SOAT1: variants seen among roughly 807,000 people sequenced by gnomAD.
SOAT1 encodes acyl-coenzyme A:cholesterol acyltransferase 1.
SOAT1 carries 55 observed loss-of-function variants against 69.5 expected under a neutral mutation model. The ratio of observed to expected loss-of-function variants is 0.79; its 90% confidence interval spans 0.64 to 0.99. SOAT1 has a LOEUF of 0.99. Among genes scored for constraint, SOAT1 ranks in the 50% least tolerant of loss-of-function variants. The pLI is 0.00. For synonymous variants in SOAT1, 231 were observed against 224.7 expected (o/e 1.03, Z -0.25); for missense variants, 580 against 669.3 (o/e 0.87, Z 1.47).
chr1:179,316,127 C>T (rs914086590), intron 2 of SOAT1, among the ~76,000 whole-genome samples: 1 of 152,110 alleles, frequency 6.6e-6, no homozygotes, highest in African/African-American at 2.4e-5. Context: ...TTCCATCTTC[C>T]AATATCAGCT....
At chr1:179,337,598 G>A (rs2124986085) in intron 4 of SOAT1, among the ~76,000 whole-genome samples, 1 of 152,262 alleles carries the variant, frequency 6.6e-6, no homozygotes, top group South Asian at 2.1e-4. Context: ...CTTCTTAAGA[G>A]TTGTGTATGT....
At chr1:179,311,305 G>A (rs548437325) in intron 2 of SOAT1, among the ~76,000 whole-genome samples, 3 of 152,138 alleles carry the variant, frequency 2.0e-5, no homozygotes, top group South Asian at 4.1e-4. Context: ...GTTAGAGGTC[G>A]CAGTGAGCTA....
At chr1:179,353,562 A>G (rs370325824) in intron 15 of SOAT1, 23 bp from the exon 16 acceptor site, 6 of 1,605,994 alleles carry the variant, frequency 3.7e-6, no homozygotes, top group Admixed American at 1.7e-5. Flanking sequence ...TTATTTTTCC[A>G]TTCTTATTTT....
At position 179,308,356 on chromosome 1, in the gene SOAT1, A is replaced by G. The variant is rs145107936; in HGVS notation, c.118+5554A>G. On this transcript the variant is annotated intron_variant, in intron 2 of 15. Coordinates refer to ENST00000367619, the MANE Select transcript of SOAT1 (RefSeq NM_003101.6). ...GTGGTGATAAAAGAAAAAGAAGCCAAAGTTACTCTAGTTGAGTAATATAGT... is the reference window on the plus strand; with the variant it reads ...GTGGTGATAAAAGAAAAAGAAGCCAGAGTTACTCTAGTTGAGTAATATAGT... Among the ~76,000 whole-genome samples, 195 of 152,244 alleles carry G rather than the reference A, an allele frequency of 1.3e-3. 1 individual carries two copies. Among genetic ancestry groups the G allele is most frequent in the African/African-American group, 4.3e-3 (177 of 41,534 alleles).
Position 179,309,200 on chromosome 1 carries a change from C to T in SOAT1, c.118+6398C>T, listed in dbSNP as rs536506152. Among the ~76,000 whole-genome samples the T allele has an allele frequency of 2.6e-5, 4 of 152,316 alleles. No homozygotes were observed. In the South Asian group the frequency reaches 8.3e-4, roughly 32 times the overall value. The stretch of plus-strand genomic sequence containing the variant: ...CCTGGTTCAAGCGATTCTTCTGTCT[C>T]TGCTTCCTGAGTAGCTAGGATTACA... On this transcript the variant is annotated intron_variant, in intron 2 of 15. Coordinates refer to ENST00000367619, the MANE Select transcript of SOAT1 (RefSeq NM_003101.6).
intron 6 of SOAT1, 141 bp downstream of exon 6, chr1:179,339,686 T>C: frequency 1.9e-6 from 1 of 520,052 alleles, no homozygotes; most frequent in East Asian, 3.3e-5. Flanking sequence ...TCCTTTGCCC[T>C]GAAAAGTTTA....
intron 12 of SOAT1, among the ~76,000 whole-genome samples, 170 bp from the exon 13 acceptor site, chr1:179,348,674 A>G (rs961464239): frequency 2.6e-5 from 4 of 152,130 alleles, no homozygotes; most frequent in African/African-American, 7.2e-5. Flanking sequence ...TCACCAGTGT[A>G]TGAACCAACA....
intron 3 of SOAT1, among the ~76,000 whole-genome samples, chr1:179,330,294 C>A (rs894159021): frequency 6.6e-6 from 1 of 152,014 alleles, no homozygotes; most frequent in Non-Finnish European, 1.5e-5. Flanking sequence ...CAGGACCAGT[C>A]ATGGGTTTAG....
At chr1:179,342,817 A>G in intron 8 of SOAT1, 45 bp from the exon 9 acceptor site, 1 of 1,438,442 alleles carries the variant, frequency 7.0e-7, no homozygotes, top group Non-Finnish European at 9.8e-7. Flanking sequence ...TTTTGCTGTG[A>G]AAAATCAAAG....
chr1:179,294,887 CTT>C (rs549697333), intron 1 of SOAT1, among the ~76,000 whole-genome samples: 1 of 151,878 alleles, frequency 6.6e-6, no homozygotes. Flanking sequence ...CCACTTTTTT[CTT>C]TTTTTCAGCC....
In SOAT1 at chr1:179,311,016, C is replaced by T. The variant is rs146852705; in HGVS notation, c.118+8214C>T. The stretch of plus-strand genomic sequence containing the variant: ...TCTTCAGGCTCAGTTACTTATTGGC[C>T]ATGTGACAGTGTACAAGATGTTCAA... On this transcript the variant is annotated intron_variant, in intron 2 of 15. Transcript: ENST00000367619. Among the ~76,000 whole-genome samples the T allele has an allele frequency of 5.3e-4, 80 of 152,120 alleles. 2 individuals carry two copies. In the East Asian group the frequency reaches 0.013, roughly 25 times the overall value.
At chr1:179,347,165 T>TG (rs1428119250) in intron 11 of SOAT1, among the ~76,000 whole-genome samples, 4 of 152,066 alleles carry the variant, frequency 2.6e-5, no homozygotes, top group African/African-American at 9.7e-5. Flanking sequence ...GAGACCTGCC[T>TG]GGCCAACATG....
chr1:179,342,444 T>A (rs937516496), intron 8 of SOAT1, among the ~76,000 whole-genome samples: 4 of 152,232 alleles, frequency 2.6e-5, no homozygotes, highest in Admixed American at 6.6e-5. Flanking sequence ...ATGTAGAGAT[T>A]GTGTTTTATT....
intron 2 of SOAT1, among the ~76,000 whole-genome samples, chr1:179,322,863 G>T (rs1334873538): frequency 6.6e-6 from 1 of 152,098 alleles, no homozygotes; most frequent in Non-Finnish European, 1.5e-5. Context: ...GCAGTATCCT[G>T]TTAGACTTCC....
chr1:179,297,961 C>T (rs1300012330), intron 1 of SOAT1, among the ~76,000 whole-genome samples: 1 of 148,386 alleles, frequency 6.7e-6, no homozygotes, highest in Non-Finnish European at 1.5e-5. Flanking sequence ...GAGATCGTGC[C>T]ATTGCACTCC....
At chr1:179,325,792 C>T (rs1181792592) in intron 3 of SOAT1, among the ~76,000 whole-genome samples, 1 of 151,950 alleles carries the variant, frequency 6.6e-6, no homozygotes, top group Non-Finnish European at 1.5e-5. Context: ...AAAGTGGTGG[C>T]AGGATGAAGG....
rs1239852263 is a variant in SOAT1 at position 179,348,216 on chromosome 1, TTA to T, written c.1215+520_1215+521del. ...GAGTCAGAATGGCTCATAGCATTCT[TTA>T]ACCCTACCTAAAGCTCTCTTTGAGT... On this transcript the variant is annotated intron_variant, in intron 12 of 15. Transcript: ENST00000367619. Among the ~76,000 whole-genome samples, 18 of 152,344 alleles carry T rather than the reference TTA, an allele frequency of 1.2e-4. No individual in the cohort carries two copies. The East Asian group carries it at 3.3e-3, about 28-fold the overall frequency.
intron 2 of SOAT1, among the ~76,000 whole-genome samples, chr1:179,305,657 A>G (rs1471459606): frequency 2.0e-5 from 3 of 152,186 alleles, no homozygotes; most frequent in African/African-American, 7.2e-5. Flanking sequence ...GAGCTGCTGT[A>G]CTTTTCCAAA....
intron 2 of SOAT1, among the ~76,000 whole-genome samples, chr1:179,311,401 A>G (rs1665216126): frequency 8.4e-6 from 1 of 119,146 alleles, no homozygotes; most frequent in Non-Finnish European, 1.9e-5. Context: ...ATGCGGATTT[A>G]GAAATTTGGA....
Sources: allele counts gnomAD v4.1 joint callset (sites outside exome capture counted in the v4.1 genomes callset), GRCh38; gene constraint gnomAD v4.1.1; transcripts MANE v1.5; gene names NCBI Gene and HGNC (gene_info 2026-07-23, HGNC 2026-07-21).